The following PXDNL variants were observed in gnomAD, a reference collection of about 807,000 sequenced individuals.
The protein encoded by PXDNL is probable oxidoreductase PXDNL.
In PXDNL, 145 loss-of-function variants were observed where a neutral mutation model predicts 150.8. The observed-to-expected ratio is 0.96, with a 90% CI of 0.84 to 1.10. The LOEUF (loss-of-function observed/expected upper bound fraction) is 1.10. Ranked by LOEUF, PXDNL falls within the 50% of genes least tolerant of loss-of-function variation. PXDNL has a pLI of 0.00. For missense variants in PXDNL, 2,087 were observed against 1,873.9 expected, an observed-to-expected ratio of 1.11 and a Z score of -2.10; for synonymous variants, 757 against 725.7, an observed-to-expected ratio of 1.04 and a Z score of -0.69.
chr8:51,379,210 A>G (rs1807458056), intron 17 of PXDNL, among the ~76,000 whole-genome samples: 1 of 152,170 alleles, frequency 6.6e-6, no homozygotes, highest in African/African-American at 2.4e-5. Flanking sequence ...ATTGAAACTC[A>G]TGCCATTTTC....
intron 2 of PXDNL, among the ~76,000 whole-genome samples, chr8:51,643,563 A>G (rs1380506058): frequency 2.6e-5 from 4 of 152,204 alleles, no homozygotes; most frequent in Admixed American, 2.6e-4. Context: ...TAAAGACTTA[A>G]ATGTTAGACC....
intron 21 of PXDNL, among the ~76,000 whole-genome samples, chr8:51,329,819 G>A (rs1259084723): frequency 2.0e-5 from 3 of 152,192 alleles, no homozygotes; most frequent in Admixed American, 1.3e-4. Context: ...CCAATAAGAC[G>A]TGAATATAAA....
In PXDNL at chr8:51,684,553, T is replaced by C. The variant is rs961348227; in HGVS notation, c.165-29793A>G. On this transcript the variant is annotated intron_variant, in intron 1 of 22. Transcript: ENST00000356297. ...GCAGAGCCTATGGGATGTCACTGTG[T>C]GATTATACTGTTACATGCAAAAGGA... is the stretch of plus-strand genomic sequence containing the variant. Among the ~76,000 whole-genome samples the C allele has an allele frequency of 3.3e-5, 5 of 152,348 alleles. No homozygotes were observed. In the South Asian group the frequency reaches 1.0e-3, roughly 32 times the overall value.
At chr8:51,387,205 A>G (rs985400693) in intron 17 of PXDNL, among the ~76,000 whole-genome samples, 3 of 152,256 alleles carry the variant, frequency 2.0e-5, no homozygotes, top group Non-Finnish European at 4.4e-5. Flanking sequence ...ACAACATTCT[A>G]AACTGATGAA....
chr8:51,719,368 T>G (rs1040262612), intron 1 of PXDNL, among the ~76,000 whole-genome samples: 24 of 152,188 alleles, frequency 1.6e-4, no homozygotes, highest in African/African-American at 5.8e-4. Context: ...CTAAAACATG[T>G]GCTGTGTCCA....
intron 2 of PXDNL, among the ~76,000 whole-genome samples, chr8:51,640,719 G>A (rs985736929): frequency 9.2e-5 from 14 of 152,084 alleles, no homozygotes; most frequent in South Asian, 6.2e-4. Flanking sequence ...ACAAAGAAAC[G>A]GAAGAACATT....
chr8:51,552,688 G>A (rs1228753113), intron 4 of PXDNL, among the ~76,000 whole-genome samples: 1 of 152,164 alleles, frequency 6.6e-6, no homozygotes, highest in African/African-American at 2.4e-5. Context: ...AAGGATGGAA[G>A]CGGGGGTGAG....
intron 2 of PXDNL, among the ~76,000 whole-genome samples, chr8:51,597,136 T>A (rs1436883985): frequency 6.6e-6 from 1 of 152,196 alleles, no homozygotes; most frequent in South Asian, 2.1e-4. Flanking sequence ...TAGCCAGCTA[T>A]TCTAGCACCA....
chr8:51,649,218 C>T (rs1380032519), intron 2 of PXDNL, among the ~76,000 whole-genome samples: 1 of 152,056 alleles, frequency 6.6e-6, no homozygotes, highest in Admixed American at 6.6e-5. Context: ...AGGAAAAAAA[C>T]GGCAGTAGTT....
At chr8:51,667,904 T>C (rs1815419801) in intron 1 of PXDNL, among the ~76,000 whole-genome samples, 2 of 152,202 alleles carry the variant, frequency 1.3e-5, no homozygotes, top group Non-Finnish European at 2.9e-5. Context: ...TTTTCACAAA[T>C]CTGCTTCCAT....
rs80115332 is a variant in PXDNL at position 51,766,196 on chromosome 8, C to T, written c.164+42985G>A. ...ATTACAGTTAACATTTTAAACAACT[C>T]GTTTGCATTAATACCACCTTAGTTT... is the stretch of plus-strand genomic sequence containing the variant. On this transcript the variant is annotated intron_variant, in intron 1 of 22. Coordinates refer to ENST00000356297, the MANE Select transcript of PXDNL (RefSeq NM_144651.5). Among the ~76,000 whole-genome samples, 224 of 152,252 alleles carry T rather than the reference C, an allele frequency of 1.5e-3. 3 individuals carry two copies. The East Asian group carries it at 0.04, about 27-fold the overall frequency.
rs560506117 is a variant in PXDNL at position 51,712,799 on chromosome 8, C to A, written c.165-58039G>T. ...AATTCCTGGCAACTGTTAAAATATT[C>A]CTTTCAAACTTCTGTTTTGAAAATA... On this transcript the variant is annotated intron_variant, in intron 1 of 22. Transcript: ENST00000356297. Among the ~76,000 whole-genome samples, 6 of 152,258 alleles carry A rather than the reference C, an allele frequency of 3.9e-5. No individual in the cohort carries two copies. In the South Asian group the frequency reaches 1.2e-3, roughly 32 times the overall value.
chr8:51,719,958 C>G (rs1041420994), intron 1 of PXDNL, among the ~76,000 whole-genome samples: 1 of 151,900 alleles, frequency 6.6e-6, no homozygotes, highest in Non-Finnish European at 1.5e-5. Flanking sequence ...AGAGCCAAAC[C>G]AAATACAAGC....
intron 21 of PXDNL, among the ~76,000 whole-genome samples, chr8:51,335,264 T>TTTTTC (rs1443998305): frequency 1.3e-5 from 2 of 152,184 alleles, no homozygotes; most frequent in African/African-American, 2.4e-5. Context: ...CCACAAAGTG[T>TTTTTC]TTTTCTGGCG....
intron 20 of PXDNL, among the ~76,000 whole-genome samples, chr8:51,343,527 G>A (rs1230253742): frequency 6.6e-6 from 1 of 152,168 alleles, no homozygotes; most frequent in African/African-American, 2.4e-5. Flanking sequence ...CTTTAGCTGA[G>A]GCAACATCTG....
rs556922892 is a variant in PXDNL, at chr8:51,548,622, C to T, written c.380+8218G>A. Among the ~76,000 whole-genome samples, 10 of 152,214 alleles carry T rather than the reference C, an allele frequency of 6.6e-5. 1 individual carries two copies. In the South Asian group the frequency reaches 2.1e-3, roughly 32 times the overall value. On this transcript the variant is annotated intron_variant, in intron 4 of 22. Coordinates refer to ENST00000356297, the MANE Select transcript of PXDNL (RefSeq NM_144651.5). ...AATGAAGGAGAGATAAAGTATAATT[C>T]AGACAAACAAATGCTGAGAGAATTC...
intron 1 of PXDNL, among the ~76,000 whole-genome samples, chr8:51,725,765 C>T (rs961772912): frequency 6.6e-6 from 1 of 152,202 alleles, no homozygotes; most frequent in African/African-American, 2.4e-5. Context: ...AGTAAGACAC[C>T]TTAAGGTGTT....
intron 1 of PXDNL, among the ~76,000 whole-genome samples, chr8:51,728,010 TATTG>T (rs1816845993): frequency 1.3e-5 from 2 of 152,244 alleles, no homozygotes; most frequent in Non-Finnish European, 2.9e-5. Context: ...ATATGTATTC[TATTG>T]CTTAACACAT....
At chr8:51,512,251 A>T (rs1224349540) in intron 4 of PXDNL, among the ~76,000 whole-genome samples, 1 of 152,232 alleles carries the variant, frequency 6.6e-6, no homozygotes, top group African/African-American at 2.4e-5. Context: ...CCAGGGGAGG[A>T]AATAAATGTG....
Sources: gnomAD v4.1 joint callset for allele counts (sites outside exome capture counted in the v4.1 genomes callset) on GRCh38, gnomAD v4.1.1 for gene constraint, MANE v1.5 for transcripts, NCBI Gene and HGNC (gene_info 2026-07-23, HGNC 2026-07-21) for gene names.